The following ARHGEF10L variants were observed in gnomAD, a reference collection of about 807,000 sequenced individuals.
The protein encoded by ARHGEF10L is Rho guanine nucleotide exchange factor 10 like, also known as rho guanine nucleotide exchange factor 10-like protein.
In ARHGEF10L, 69 loss-of-function variants were observed where a neutral mutation model predicts 141.2. The observed-to-expected ratio is 0.49, with a 90% CI of 0.40 to 0.60. ARHGEF10L has a LOEUF of 0.60. Ranked by LOEUF, ARHGEF10L falls within the 20% of genes least tolerant of loss-of-function variation. The probability of loss-of-function intolerance (pLI) is 0.00; values close to 1 mark genes in which losing one functional copy is unlikely to be tolerated. For synonymous variants in ARHGEF10L, 711 were observed against 718.5 expected (o/e 0.99, Z 0.17); for missense variants, 1,482 against 1,734.3 (o/e 0.85, Z 2.58).
At position 17,619,068 on chromosome 1, in the gene ARHGEF10L, C is replaced by T. The variant is rs1414373550; in HGVS notation, c.836-271C>T. On this transcript the variant is annotated intron_variant, in intron 9 of 28. Transcript: ENST00000361221. The surrounding 1 kb of genome is among the most constrained non-coding windows in gnomAD (Gnocchi z 5.0). ...CAGCATGGACGCCGAGAACCCAGGC[C>T]CCACAGGACGCAGCTTTGATTTCTG... 6.6e-6 allele frequency among the ~76,000 whole-genome samples: 1 copy of T among 152,118 alleles called. No individual in the cohort carries two copies. The highest frequency in any genetic ancestry group is 1.5e-5 in the Non-Finnish European group (1 of 68,026).
At chr1:17,670,163 G>A (rs2063231395) in intron 26 of ARHGEF10L, among the ~76,000 whole-genome samples, 1 of 152,272 alleles carries the variant, frequency 6.6e-6, no homozygotes, top group Non-Finnish European at 1.5e-5. Context: ...CGCCTGAGCT[G>A]AAGACTGCCT....
chr1:17,541,531 C>T (rs539764748), intron 1 of ARHGEF10L, among the ~76,000 whole-genome samples: 61 of 152,312 alleles, frequency 4.0e-4, no homozygotes, highest in Non-Finnish European at 6.2e-4. Flanking sequence ...GCCCAGGTAC[C>T]AGGTTAGTAT....
At position 17,625,953 on chromosome 1, in the gene ARHGEF10L, C is replaced by T; in HGVS notation, c.1318-3C>T. On this transcript the variant is annotated splice_region_variant and splice_polypyrimidine_tract_variant and intron_variant, in intron 13 of 28. Transcript: ENST00000361221. This position sits in a 1 kb window ranked among gnomAD's most constrained non-coding sequence, Gnocchi z 4.5. The stretch of plus-strand genomic sequence containing the variant: ...GCGAATGACGGAACCTTGTCTCCAC[C>T]AGCGACGGCAGGTGTGCAGCCCAGA... 1 of 1,613,728 alleles carries T rather than the reference C, an allele frequency of 6.2e-7. No individual in the cohort carries two copies. The highest frequency in any genetic ancestry group is 1.3e-5 in the African/African-American group (1 of 75,012).
chr1:17,599,988 G>C (rs912862220), intron 4 of ARHGEF10L, among the ~76,000 whole-genome samples: 1 of 152,202 alleles, frequency 6.6e-6, no homozygotes, highest in African/African-American at 2.4e-5. Context: ...ACAGGCAGGA[G>C]CATTCTCGCC....
chr1:17,659,738 G>A (rs74061915), intron 25 of ARHGEF10L, among the ~76,000 whole-genome samples: 3,137 of 152,296 alleles, frequency 0.021, 112 homozygotes, highest in African/African-American at 0.071. Flanking sequence ...CTGTCCTGCC[G>A]GGTTAGGCTG....
Position 17,621,120 on chromosome 1 carries a change from C to T in ARHGEF10L, c.943-744C>T, listed in dbSNP as rs1417247343. Among the ~76,000 whole-genome samples the T allele has an allele frequency of 6.6e-6, 1 of 152,240 alleles. No homozygotes were observed. Among genetic ancestry groups the T allele is most frequent in the South Asian group, 2.1e-4 (1 of 4,818 alleles). Reference sequence around the variant, plus strand: ...TGTTTAGCCAGAAGCAGAGACCACTCGTGTGGGGGGACGGTACCCCAAGGC... The same window carrying T: ...TGTTTAGCCAGAAGCAGAGACCACTTGTGTGGGGGGACGGTACCCCAAGGC... On this transcript the variant is annotated intron_variant, in intron 10 of 28. Coordinates refer to ENST00000361221, the MANE Select transcript of ARHGEF10L (RefSeq NM_018125.4). This position sits in a 1 kb window ranked among gnomAD's most constrained non-coding sequence, Gnocchi z 4.1.
At chr1:17,590,424 T>A (rs10788678) in intron 4 of ARHGEF10L, among the ~76,000 whole-genome samples, 89,521 of 151,834 alleles carry the variant, frequency 0.59, 26,925 homozygotes, top group East Asian at 0.86. Flanking sequence ...TCCCTTGACA[T>A]GAGAGCAGAG....
intron 21 of ARHGEF10L, among the ~76,000 whole-genome samples, chr1:17,645,967 T>C (rs995620023): frequency 1.3e-5 from 2 of 152,202 alleles, no homozygotes; most frequent in African/African-American, 4.8e-5. Flanking sequence ...GGGTCTCTTA[T>C]GTAGGCCTTT....
chr1:17,656,189 C>T lies in ARHGEF10L; in HGVS notation c.2705+87C>T. ...TGTCCCTGTAGCCTTCCGGATCTGCCTGTTGCCCACCAACATTCTCTGCCC... is the reference window on the plus strand; with the variant it reads ...TGTCCCTGTAGCCTTCCGGATCTGCTTGTTGCCCACCAACATTCTCTGCCC... On this transcript the variant is annotated intron_variant, in intron 24 of 28. Transcript: ENST00000361221. The surrounding 1 kb of genome is among the most constrained non-coding windows in gnomAD (Gnocchi z 4.9). The T allele has an allele frequency of 7.2e-7, 1 of 1,393,824 alleles. No individual in the cohort carries two copies. Among genetic ancestry groups the T allele is most frequent in the Non-Finnish European group, 9.8e-7 (1 of 1,024,526 alleles). 86.3% of individuals were successfully genotyped at this position (1,393,824 alleles called of 1,614,324 possible).
At chr1:17,618,492 T>C (rs1331972330) in intron 9 of ARHGEF10L, 3 of 1,024,086 alleles carry the variant, frequency 2.9e-6, no homozygotes, top group Non-Finnish European at 3.8e-6. Flanking sequence ...CCGCTGTCCC[T>C]CCTCCTCCTC....
In ARHGEF10L at chr1:17,697,709, C is replaced by A. The variant is rs994635180; in HGVS notation, c.*329C>A. 1 of 523,632 alleles carries A rather than the reference C, an allele frequency of 1.9e-6. No homozygotes were observed. 32.4% of individuals were successfully genotyped at this position (523,632 alleles called of 1,614,324 possible). A position where few individuals can be genotyped will look rare whatever the true frequency, so the allele number is the denominator to read the frequency against. ...GACTCCAAGGCAGCCACACGCCCCT[C>A]CTGGAAGGGTGTGTGCGTGTGAGTG... On this transcript the variant is annotated 3_prime_UTR_variant, in exon 29 of 29. Coordinates refer to ENST00000361221, the MANE Select transcript of ARHGEF10L (RefSeq NM_018125.4). The surrounding 1 kb of genome is among the most constrained non-coding windows in gnomAD (Gnocchi z 4.8).
chr1:17,587,407 A>G (rs1312515899), intron 2 of ARHGEF10L, 53 bp from the exon 3 acceptor site: 1 of 1,570,322 alleles, frequency 6.4e-7, no homozygotes, highest in Non-Finnish European at 8.6e-7. Context: ...CCATCTCTCC[A>G]TTGACCAAAC....
chr1:17,605,846 G>C, intron 6 of ARHGEF10L, among the ~76,000 whole-genome samples: 1 of 152,174 alleles, frequency 6.6e-6, no homozygotes, highest in South Asian at 2.1e-4. Flanking sequence ...TGCAATAACA[G>C]GACAATCAGC....
chr1:17,624,851 T>C (rs1360449171), intron 13 of ARHGEF10L, among the ~76,000 whole-genome samples: 2 of 152,186 alleles, frequency 1.3e-5, no homozygotes, highest in African/African-American at 4.8e-5. Context: ...GCTAAGCTGG[T>C]TCCTTTTCCT....
chr1:17,672,002 G>T (rs115112188), intron 26 of ARHGEF10L, among the ~76,000 whole-genome samples: 2 of 152,178 alleles, frequency 1.3e-5, no homozygotes, highest in Non-Finnish European at 2.9e-5. Context: ...GGTTTTAACC[G>T]GCTTCGGAGC....
chr1:17,610,225 G>A (rs1053313397), intron 7 of ARHGEF10L, among the ~76,000 whole-genome samples: 1 of 152,156 alleles, frequency 6.6e-6, no homozygotes, highest in African/African-American at 2.4e-5. Context: ...CAGGGGTTGG[G>A]TGGGGCCCGG....
rs545246508 is a variant in ARHGEF10L, at chr1:17,685,522, C to T, written c.3010-2051C>T. Among the ~76,000 whole-genome samples the T allele has an allele frequency of 2.6e-5, 4 of 152,368 alleles. No individual in the cohort carries two copies. The South Asian group carries it at 8.3e-4, about 32-fold the overall frequency. ...AATGTCACCTCCTAGAGACACCTTC[C>T]CTGACCCCAGTCTTAATGGCTTTCA... is the stretch of plus-strand genomic sequence containing the variant. On this transcript the variant is annotated intron_variant, in intron 26 of 28. Transcript: ENST00000361221.
chr1:17,524,813 C>A, the ARHGEF10L span, among the ~76,000 whole-genome samples: 6 of 152,128 alleles, frequency 3.9e-5, no homozygotes, highest in Non-Finnish European at 8.8e-5. Context: ...GGTACTCAGG[C>A]GAGAAGCAGT....
At chr1:17,599,757 T>A (rs2080463491) in intron 4 of ARHGEF10L, among the ~76,000 whole-genome samples, 1 of 152,206 alleles carries the variant, frequency 6.6e-6, no homozygotes, top group African/African-American at 2.4e-5. Flanking sequence ...GGGGTGACAC[T>A]GTTGACTTCT....
Sources: allele counts gnomAD v4.1 joint callset (sites outside exome capture counted in the v4.1 genomes callset), GRCh38; gene constraint gnomAD v4.1.1; non-coding constraint Gnocchi (gnomAD v3.1); transcripts MANE v1.5; gene names NCBI Gene and HGNC (gene_info 2026-07-23, HGNC 2026-07-21).